The following NSD1 variants were observed in gnomAD, a reference collection of about 807,000 sequenced individuals.
The protein encoded by NSD1 is histone-lysine N-methyltransferase, H3 lysine-36 specific.
NSD1 carries 26 observed loss-of-function variants against 242.7 expected under a neutral mutation model. The ratio of observed to expected loss-of-function variants is 0.11; its 90% confidence interval spans 0.08 to 0.15. NSD1 has a LOEUF of 0.15. Among genes scored for constraint, NSD1 ranks in the 10% least tolerant of loss-of-function variants. NSD1 has a pLI of 1.00. For synonymous variants in NSD1, 1,106 were observed against 1,178.1 expected, an observed-to-expected ratio of 0.94 and a Z score of 1.25; for missense variants, 2,495 against 3,272.8, an observed-to-expected ratio of 0.76 and a Z score of 5.80.
intron 2 of NSD1, among the ~76,000 whole-genome samples, chr5:177,149,616 G>A (rs1757539062): frequency 6.6e-6 from 1 of 152,090 alleles, no homozygotes; most frequent in Non-Finnish European, 1.5e-5. Flanking sequence ...AGGTGGGAGT[G>A]GGATGGTTTG....
At chr5:177,264,876 T>TCTATAA in intron 14 of NSD1, 1 of 766,958 alleles carries the variant, frequency 1.3e-6, no homozygotes. Context: ...ATAAGAAAGG[T>TCTATAA]GATATTGTAG....
chr5:177,136,479 C>T (rs1756341629), intron 2 of NSD1: 1 of 184,954 alleles, frequency 5.4e-6, no homozygotes, highest in Non-Finnish European at 1.1e-5. Flanking sequence ...GCATTTTGAA[C>T]ACAGATTAAA....
intron 2 of NSD1, among the ~76,000 whole-genome samples, chr5:177,145,738 G>A (rs1261425472): frequency 3.3e-5 from 5 of 151,806 alleles, no homozygotes; most frequent in East Asian, 3.9e-4. Flanking sequence ...GAGAAACCCC[G>A]TCTCTACTAA....
In NSD1 at chr5:177,191,896, A is replaced by C; in HGVS notation, c.940A>C (p.Lys314Gln). 2 of 1,614,120 alleles carry C rather than the reference A, an allele frequency of 1.2e-6. No homozygotes were observed. The highest frequency in any genetic ancestry group is 1.7e-6 in the Non-Finnish European group (2 of 1,179,986). The stretch of plus-strand genomic sequence containing the variant: ...TGTCTGTCTAAAGTGTCAACCTAAG[A>C]AAAAGTCTACGCCACTGAAGTATGA... Reference protein sequence around the residue: ...SQELPFCQPKKKSTPLKYEVG... With the variant: ...SQELPFCQPKQKSTPLKYEVG... The change falls in exon 3 of 23, where the codon AAA becomes CAA. Residue 314 changes from lysine to glutamine, a missense_variant. This residue lies in a region of NSD1 where 376 missense variants were observed against 367.4 expected (regional missense o/e 1.02). Transcript: ENST00000439151.
At chr5:177,177,217 C>T (rs188437233) in intron 2 of NSD1, among the ~76,000 whole-genome samples, 19 of 152,096 alleles carry the variant, frequency 1.2e-4, no homozygotes, top group Admixed American at 1.2e-3. Context: ...GAAAGGCAAA[C>T]ATCAAACAAG....
chr5:177,200,043 C>G (rs2149831730), intron 3 of NSD1, among the ~76,000 whole-genome samples: 1 of 152,218 alleles, frequency 6.6e-6, no homozygotes, highest in South Asian at 2.1e-4. Context: ...TCCCATATCC[C>G]CATCATTGGT....
chr5:177,140,612 A>G (rs945466188), intron 2 of NSD1, among the ~76,000 whole-genome samples: 6 of 152,100 alleles, frequency 3.9e-5, no homozygotes, highest in Admixed American at 2.0e-4. Context: ...TGAGGCTGCA[A>G]TTAGCTGTGA....
At chr5:177,293,786 T>C (rs747571412) in intron 22 of NSD1, 46 bp from the exon 23 acceptor site, 6 of 1,604,188 alleles carry the variant, frequency 3.7e-6, no homozygotes, top group Non-Finnish European at 5.1e-6. Context: ...CCATGTGATA[T>C]GTATCTCTTT....
intron 2 of NSD1, among the ~76,000 whole-genome samples, chr5:177,160,072 G>A (rs1374470240): frequency 6.6e-6 from 1 of 151,012 alleles, no homozygotes. Context: ...TTGTGTTTTT[G>A]TAGAGATGGA....
Position 177,134,105 on chromosome 5 carries a change from G to C in NSD1, c.-18+153G>C, listed in dbSNP as rs538956939. On this transcript the variant is annotated intron_variant, in intron 1 of 22. Coordinates refer to ENST00000439151, the MANE Select transcript of NSD1 (RefSeq NM_022455.5). This position sits in a 1 kb window ranked among gnomAD's most constrained non-coding sequence, Gnocchi z 4.2. ...GTTGGTGGCCGGCGGCGCTGCAGCC[G>C]CCGGCCTCCTCCCCCTCCCCCTCCT... The C allele has an allele frequency of 6.7e-6, 1 of 149,706 alleles. No individual in the cohort carries two copies. Among genetic ancestry groups the C allele is most frequent in the Non-Finnish European group, 1.5e-5 (1 of 67,270 alleles). The allele number at this position is 149,706 out of a possible 1,614,324, so 9.3% of individuals were successfully genotyped here. A position where few individuals can be genotyped will look rare whatever the true frequency, so the allele number is the denominator to read the frequency against.
intron 2 of NSD1, among the ~76,000 whole-genome samples, chr5:177,181,386 C>A (rs1035122301): frequency 6.7e-6 from 1 of 148,832 alleles, no homozygotes; most frequent in Non-Finnish European, 1.5e-5. Flanking sequence ...AAGAGTCAAT[C>A]GTCAATCCAT....
chr5:177,141,826 T>C (rs1334561701), intron 2 of NSD1, among the ~76,000 whole-genome samples: 1 of 152,108 alleles, frequency 6.6e-6, no homozygotes, highest in African/African-American at 2.4e-5. Context: ...TAAAATGTAA[T>C]ATTATTTCCT....
intron 2 of NSD1, among the ~76,000 whole-genome samples, chr5:177,151,800 C>T (rs1228779768): frequency 6.6e-6 from 1 of 151,864 alleles, no homozygotes; most frequent in Non-Finnish European, 1.5e-5. Context: ...CAAGCAATAC[C>T]CCCACCTCTG....
chr5:177,225,610 T>C (rs1465714377), intron 5 of NSD1, among the ~76,000 whole-genome samples: 1 of 152,188 alleles, frequency 6.6e-6, no homozygotes, highest in African/African-American at 2.4e-5. Context: ...GATCTACCTT[T>C]GCTAGTAAAT....
rs377684553 is a variant in NSD1, at chr5:177,210,864, C to A, written c.2465C>A (p.Ser822Tyr). 6.2e-7 allele frequency: 1 copy of A among 1,614,204 alleles called. No homozygotes were observed. ...TGCTGCTCTTCTGATACCAAAGGCT[C>A]TCCTTTGGCCAGCATTTCTAAAAGT... is the stretch of plus-strand genomic sequence containing the variant. Reference protein sequence around the residue: ...LKCCSSDTKGSPLASISKSGK... With the variant: ...LKCCSSDTKGYPLASISKSGK... Residue 822 changes from serine (S) to tyrosine (Y), a missense_variant, in exon 5 of 23, where the codon TCT (serine) becomes TAT (tyrosine). Coordinates refer to ENST00000439151, the MANE Select transcript of NSD1 (RefSeq NM_022455.5).
intron 3 of NSD1, among the ~76,000 whole-genome samples, chr5:177,203,149 A>T (rs2149835079): frequency 6.6e-6 from 1 of 152,346 alleles, no homozygotes; most frequent in Middle Eastern, 3.4e-3. Flanking sequence ...GTGAGTTAAA[A>T]TGAATTTTCG....
chr5:177,185,841 T>A (rs1429298510), intron 2 of NSD1, among the ~76,000 whole-genome samples: 1,760 of 82,182 alleles, frequency 0.021, 76 homozygotes, highest in African/African-American at 0.1. Context: ...TTTTATATAT[T>A]TAAATATATA....
intron 2 of NSD1, chr5:177,137,089 A>C: frequency 2.4e-6 from 1 of 410,246 alleles, no homozygotes; most frequent in Non-Finnish European, 4.3e-6. Flanking sequence ...ATAAATGATA[A>C]CATTTGTTTT....
chr5:177,177,288 G>A (rs943335385), intron 2 of NSD1, among the ~76,000 whole-genome samples: 4 of 152,088 alleles, frequency 2.6e-5, no homozygotes, highest in Non-Finnish European at 4.4e-5. Context: ...GCTGAGGTGG[G>A]TGGGTCACTT....
Sources: allele counts gnomAD v4.1 joint callset (sites outside exome capture counted in the v4.1 genomes callset), GRCh38; gene constraint gnomAD v4.1.1; regional missense constraint gnomAD v4.1.1; non-coding constraint Gnocchi (gnomAD v3.1); transcripts MANE v1.5; gene names NCBI Gene and HGNC (gene_info 2026-07-23, HGNC 2026-07-21).